EYS: variants seen among roughly 807,000 people sequenced by gnomAD.
EYS encodes the protein EGF-like photoreceptor maintenance factor.
EYS carries 250 observed loss-of-function variants against 282.1 expected under a neutral mutation model. The ratio of observed to expected loss-of-function variants is 0.89; its 90% CI spans 0.80 to 0.98. EYS has a LOEUF of 0.98. Among genes scored for constraint, EYS ranks in the 50% least tolerant of loss-of-function variants. The pLI, the probability that EYS is intolerant of heterozygous loss-of-function variation, is 0.00. For missense variants in EYS, 4,016 were observed against 3,709.0 expected (o/e 1.08, Z -2.15); for synonymous variants, 1,355 against 1,282.9 (o/e 1.06, Z -1.20).
chr6:63,720,744 A>C lies in EYS; in HGVS notation c.9287T>G (p.Val3096Gly). ...YLGGFEYGRKVNIVTQEIFKT... is the reference protein window; with the variant it reads ...YLGGFEYGRKGNIVTQEIFKT... ...AAAAATCTCTTGAGTAACGATATTT[A>C]CCTTTCTACCATATTCAAAGCCCCC... Residue 3096 changes from valine (V) to glycine (G), a missense_variant, in exon 43 of 43, where the codon GTA becomes GGA. Coordinates refer to ENST00000503581, the MANE Select transcript of EYS (RefSeq NM_001142800.2). 2 of 1,549,684 alleles carry C rather than the reference A, an allele frequency of 1.3e-6. No homozygotes were observed. The highest frequency in any genetic ancestry group is 1.7e-6 in the Non-Finnish European group (2 of 1,146,144).
intron 12 of EYS, among the ~76,000 whole-genome samples, chr6:65,142,253 C>G (rs75406547): frequency 0.043 from 6,489 of 151,784 alleles, 198 homozygotes; most frequent in Middle Eastern, 0.065. Context: ...TAGTTTGAAG[C>G]AAAAGCTTAA....
intron 22 of EYS, among the ~76,000 whole-genome samples, chr6:64,683,242 G>A (rs990148667): frequency 3.9e-5 from 6 of 152,068 alleles, no homozygotes; most frequent in Non-Finnish European, 8.8e-5. Context: ...ATAAGAAAAT[G>A]TGATCTACAT....
intron 8 of EYS, among the ~76,000 whole-genome samples, chr6:65,377,689 G>A (rs957005230): frequency 6.6e-6 from 1 of 151,648 alleles, no homozygotes; most frequent in African/African-American, 2.4e-5. Context: ...ATGATAAAGG[G>A]GATATCAACA....
In EYS at chr6:64,849,070, A is replaced by G. The variant is rs137910648; in HGVS notation, c.2993-26248T>C. ...ACTATTCTATTTTCATTTACCATCA[A>G]AAAACAATGGTTATTCACATCTAGT... On this transcript the variant is annotated intron_variant, in intron 19 of 42. Coordinates refer to ENST00000503581, the MANE Select transcript of EYS (RefSeq NM_001142800.2). Among the ~76,000 whole-genome samples the G allele has an allele frequency of 3.8e-3, 584 of 152,114 alleles. 5 individuals are homozygous for G. The highest frequency in any genetic ancestry group is 0.013 in the African/African-American group (553 of 41,566).
At chr6:64,827,961 A>G (rs1006990470) in intron 19 of EYS, among the ~76,000 whole-genome samples, 2 of 151,890 alleles carry the variant, frequency 1.3e-5, no homozygotes, top group Non-Finnish European at 2.9e-5. Context: ...TGAAATTATC[A>G]GAGAAGGAAT....
At chr6:64,392,751 A>G (rs1318396732) in intron 28 of EYS, among the ~76,000 whole-genome samples, 2 of 149,694 alleles carry the variant, frequency 1.3e-5, no homozygotes, top group East Asian at 2.0e-4. Context: ...TTCAAAAGCT[A>G]GCAGAAGGCA....
chr6:65,059,326 G>C (rs191600513), intron 12 of EYS, among the ~76,000 whole-genome samples: 120 of 152,178 alleles, frequency 7.9e-4, no homozygotes, highest in African/African-American at 2.3e-3. Context: ...TTGTAACAAT[G>C]GTTGAGAGTT....
At chr6:64,841,826 A>T (rs769380024) in intron 19 of EYS, among the ~76,000 whole-genome samples, 5 of 152,154 alleles carry the variant, frequency 3.3e-5, no homozygotes, top group African/African-American at 7.2e-5. Context: ...CAGATAAATG[A>T]TTGCTAATCA....
chr6:64,030,574 C>T (rs766428771), intron 33 of EYS, among the ~76,000 whole-genome samples: 14 of 151,240 alleles, frequency 9.3e-5, no homozygotes, highest in Non-Finnish European at 1.6e-4. Flanking sequence ...TACGAGATGC[C>T]GCCCGGCGTT....
At chr6:64,421,070 A>G (rs983279697) in intron 28 of EYS, among the ~76,000 whole-genome samples, 4 of 152,144 alleles carry the variant, frequency 2.6e-5, no homozygotes, top group Admixed American at 1.3e-4. Flanking sequence ...CCATTCTCAC[A>G]CTGCTAATAA....
chr6:63,861,640 A>C (rs908772455), intron 36 of EYS, among the ~76,000 whole-genome samples: 3 of 152,180 alleles, frequency 2.0e-5, no homozygotes, highest in Admixed American at 6.5e-5. Flanking sequence ...CTAGAATCAC[A>C]TGTTAAAACC....
At chr6:65,051,500 G>T (rs773159985) in intron 13 of EYS, among the ~76,000 whole-genome samples, 3 of 151,524 alleles carry the variant, frequency 2.0e-5, no homozygotes, top group Admixed American at 6.6e-5. Context: ...TTATGGAATG[G>T]CTAAATCAAG....
At chr6:64,483,241 C>A (rs1037223995) in intron 26 of EYS, among the ~76,000 whole-genome samples, 3 of 151,582 alleles carry the variant, frequency 2.0e-5, no homozygotes, top group African/African-American at 7.3e-5. Flanking sequence ...ATTTTACTTA[C>A]CAAAAAGTAT....
At chr6:65,467,324 T>C (rs1489129254) in intron 5 of EYS, among the ~76,000 whole-genome samples, 1 of 152,054 alleles carries the variant, frequency 6.6e-6, no homozygotes, top group Non-Finnish European at 1.5e-5. Context: ...AGCAAGTAAA[T>C]GCATAGAACA....
At chr6:65,071,054 G>A (rs1773888862) in intron 12 of EYS, among the ~76,000 whole-genome samples, 1 of 151,516 alleles carries the variant, frequency 6.6e-6, no homozygotes. Context: ...CTTAAGAAAT[G>A]GTCATTCTTT....
Position 65,242,394 on chromosome 6 carries a change from A to G in EYS, c.2023+53469T>C, listed in dbSNP as rs190610670. Among the ~76,000 whole-genome samples the G allele has an allele frequency of 2.6e-5, 4 of 152,044 alleles. No homozygotes were observed. In the East Asian group the frequency reaches 7.7e-4, roughly 29 times the overall value. ...TAATGACCAATATGTTGTCTTTGTG[A>G]CTGTCTTGTTTTTAGCATAATTTTT... On this transcript the variant is annotated intron_variant, in intron 12 of 42. Transcript: ENST00000503581.
At chr6:65,002,525 C>G (rs948187938) in intron 13 of EYS, among the ~76,000 whole-genome samples, 5 of 147,264 alleles carry the variant, frequency 3.4e-5, no homozygotes, top group African/African-American at 1.2e-4. Flanking sequence ...GTGGCTTCAC[C>G]CAATTTACAA....
chr6:65,451,515 C>G, intron 5 of EYS, among the ~76,000 whole-genome samples: 1 of 151,954 alleles, frequency 6.6e-6, no homozygotes, highest in East Asian at 1.9e-4. Context: ...ATCACAGATC[C>G]TTAAGAGTTC....
chr6:65,094,961 T>C (rs532802034), intron 12 of EYS, among the ~76,000 whole-genome samples: 115 of 151,214 alleles, frequency 7.6e-4, no homozygotes, highest in Non-Finnish European at 1.5e-3. Context: ...TCTAGGTACA[T>C]GAACTAAGAA....
Sources: allele counts gnomAD v4.1 joint callset (sites outside exome capture counted in the v4.1 genomes callset), GRCh38; gene constraint gnomAD v4.1.1; transcripts MANE v1.5; gene names NCBI Gene and HGNC (gene_info 2026-07-23, HGNC 2026-07-21).